Variants in ATP8A1 observed in about 807,000 individuals in gnomAD.
ATP8A1 encodes the protein phospholipid-transporting ATPase IA.
ATP8A1 carries 90 observed loss-of-function variants against 177.7 expected under a neutral mutation model. The ratio of observed to expected loss-of-function variants is 0.51; its 90% CI spans 0.43 to 0.60. The LOEUF is 0.60. Ranked by LOEUF, ATP8A1 falls within the 20% of genes least tolerant of loss-of-function variation. ATP8A1 has a pLI of 0.00. For missense variants in ATP8A1, 1,072 were observed against 1,392.8 expected (o/e 0.77, Z 3.67); for synonymous variants, 493 against 485.9 (o/e 1.01, Z -0.19).
At chr4:42,585,851 T>C (rs534703246) in intron 9 of ATP8A1, among the ~76,000 whole-genome samples, 18 of 152,174 alleles carry the variant, frequency 1.2e-4, no homozygotes, top group Middle Eastern at 6.8e-3. Flanking sequence ...GAGATGACTA[T>C]AATTAATACC....
chr4:42,425,583 C>T (rs1381742487), intron 33 of ATP8A1, among the ~76,000 whole-genome samples: 1 of 152,020 alleles, frequency 6.6e-6, no homozygotes, highest in African/African-American at 2.4e-5. Flanking sequence ...AAATAAAATC[C>T]CACAGAGGTA....
intron 14 of ATP8A1, among the ~76,000 whole-genome samples, chr4:42,572,969 C>T (rs1732053833): frequency 1.3e-5 from 2 of 152,166 alleles, no homozygotes; most frequent in Non-Finnish European, 2.9e-5. Context: ...GATGACAATA[C>T]TGAGCTCAGA....
chr4:42,656,583 G>A (rs1222190747), intron 1 of ATP8A1, among the ~76,000 whole-genome samples: 2 of 152,186 alleles, frequency 1.3e-5, no homozygotes, highest in African/African-American at 4.8e-5. Context: ...TCACACTGCG[G>A]TGCAAAGCAC....
chr4:42,507,080 T>C lies in ATP8A1; in HGVS notation c.2022A>G (p.Leu674=), dbSNP rs775835064. ...QDQVPETIET[L]MKADIKIWIL... ...TCCAGATTTTGATGTCTGCTTTCAT[T>C]AGCGTTTCTATGGTTTCAGGCACTT... The change falls in exon 23 of 37, where the codon CTA becomes CTG. Residue 674 remains leucine, a synonymous_variant. Coordinates refer to ENST00000381668, the MANE Select transcript of ATP8A1 (RefSeq NM_006095.2). 3.7e-6 allele frequency: 6 copies of C among 1,613,976 alleles called. No homozygotes were observed.
chr4:42,575,508 C>T (rs778600158), intron 13 of ATP8A1, 114 bp downstream of exon 13: 19 of 801,138 alleles, frequency 2.4e-5, no homozygotes, highest in Non-Finnish European at 3.7e-5. Flanking sequence ...ATATATTATT[C>T]AAATAGTGGA....
At chr4:42,497,107 C>G (rs909496793) in intron 24 of ATP8A1, among the ~76,000 whole-genome samples, 1 of 152,188 alleles carries the variant, frequency 6.6e-6, no homozygotes, top group Non-Finnish European at 1.5e-5. Context: ...AAATGAGTTA[C>G]TGCTGCCACT....
At chr4:42,642,041 T>C (rs1740047250) in intron 1 of ATP8A1, among the ~76,000 whole-genome samples, 1 of 151,978 alleles carries the variant, frequency 6.6e-6, no homozygotes, top group South Asian at 2.1e-4. Flanking sequence ...GTGAAGAAAC[T>C]AAAGTCTTCC....
At chr4:42,518,078 G>A (rs1474027617) in intron 22 of ATP8A1, among the ~76,000 whole-genome samples, 2 of 152,140 alleles carry the variant, frequency 1.3e-5, no homozygotes. Flanking sequence ...CTTATGCTAG[G>A]AGTTACACTA....
chr4:42,507,729 CAAAAA>C (rs34269384), intron 22 of ATP8A1, among the ~76,000 whole-genome samples: 1 of 8,914 alleles, frequency 1.1e-4, no homozygotes, highest in Admixed American at 3.4e-3. Flanking sequence ...GACTCCATCT[CAAAAA>C]AAAAAAAAAA....
At chr4:42,636,481 A>C (rs2109530561) in intron 1 of ATP8A1, among the ~76,000 whole-genome samples, 1 of 152,300 alleles carries the variant, frequency 6.6e-6, no homozygotes. Flanking sequence ...TTCAAAGGTA[A>C]AGACTTACAA....
chr4:42,546,748 T>C (rs1462698435), intron 19 of ATP8A1, among the ~76,000 whole-genome samples: 1 of 152,130 alleles, frequency 6.6e-6, no homozygotes, highest in African/African-American at 2.4e-5. Context: ...AATGAATAGC[T>C]ACATTCAACA....
At chr4:42,463,915 G>A (rs1487933927) in intron 27 of ATP8A1, among the ~76,000 whole-genome samples, 1 of 152,148 alleles carries the variant, frequency 6.6e-6, no homozygotes, top group Non-Finnish European at 1.5e-5. Flanking sequence ...GGAACAACAA[G>A]GCAACAATAC....
intron 20 of ATP8A1, 75 bp from the exon 21 acceptor site, chr4:42,524,922 G>A: frequency 2.2e-6 from 2 of 898,990 alleles, no homozygotes; most frequent in African/African-American, 1.7e-5. Flanking sequence ...GGTAACAATA[G>A]CAGTAGGAAA....
chr4:42,638,317 GA>G (rs1162908750), intron 1 of ATP8A1, among the ~76,000 whole-genome samples: 1 of 152,130 alleles, frequency 6.6e-6, no homozygotes, highest in Non-Finnish European at 1.5e-5. Context: ...TCTAAAAAAG[GA>G]AAAAAAGTAA....
At chr4:42,437,625 T>C (rs141407057) in intron 33 of ATP8A1, among the ~76,000 whole-genome samples, 13 of 152,340 alleles carry the variant, frequency 8.5e-5, no homozygotes, top group African/African-American at 1.2e-4. Flanking sequence ...TAATTCCTTT[T>C]GAACAGTTAA....
chr4:42,641,821 T>C (rs1344580345), intron 1 of ATP8A1, among the ~76,000 whole-genome samples: 1 of 152,194 alleles, frequency 6.6e-6, no homozygotes, highest in African/African-American at 2.4e-5. Flanking sequence ...CAGGTAGATA[T>C]ATGATTAGTT....
chr4:42,596,712 G>A (rs1477284406), intron 6 of ATP8A1, among the ~76,000 whole-genome samples: 1 of 151,662 alleles, frequency 6.6e-6, no homozygotes, highest in African/African-American at 2.4e-5. Flanking sequence ...ACATATTGTG[G>A]TGGAAGCTTC....
intron 25 of ATP8A1, among the ~76,000 whole-genome samples, chr4:42,472,654 G>C (rs1334292814): frequency 1.3e-5 from 2 of 150,480 alleles, no homozygotes; most frequent in Non-Finnish European, 2.9e-5. Context: ...TAAGCCAGGA[G>C]AATTGCGTGA....
At chr4:42,518,350 G>A (rs1334612585) in intron 22 of ATP8A1, among the ~76,000 whole-genome samples, 1 of 152,118 alleles carries the variant, frequency 6.6e-6, no homozygotes, top group Non-Finnish European at 1.5e-5. Context: ...TTGCATACGG[G>A]CACAATGATG....
Sources: allele counts gnomAD v4.1 joint callset (sites outside exome capture counted in the v4.1 genomes callset), GRCh38; gene constraint gnomAD v4.1.1; transcripts MANE v1.5; gene names NCBI Gene and HGNC (gene_info 2026-07-23, HGNC 2026-07-21).